The following DGKB variants were observed in gnomAD, a reference collection of about 807,000 sequenced individuals.
The protein encoded by DGKB is diacylglycerol kinase beta.
In DGKB, 67 loss-of-function variants were observed where a neutral mutation model predicts 114.3. That is an observed-to-expected ratio of 0.59 (90% CI 0.48 to 0.72). The LOEUF (loss-of-function observed/expected upper bound fraction) is 0.72, where lower values mean the gene tolerates loss of function less well. DGKB is among the 30% of genes least tolerant of loss of function. The pLI, the probability that DGKB is intolerant of heterozygous loss-of-function variation, is 0.00. For missense variants in DGKB, 907 were observed against 975.2 expected (o/e 0.93, Z 0.93); for synonymous variants, 398 against 323.1 (o/e 1.23, Z -2.49).
chr7:14,868,116 C>G (rs1222560336), intron 1 of DGKB, among the ~76,000 whole-genome samples: 1 of 152,018 alleles, frequency 6.6e-6, no homozygotes, highest in Non-Finnish European at 1.5e-5. Flanking sequence ...GTAACTAGAC[C>G]TTCTTCTTCT....
intron 21 of DGKB, among the ~76,000 whole-genome samples, chr7:14,416,913 C>A (rs1315811499): frequency 6.6e-6 from 1 of 152,042 alleles, no homozygotes; most frequent in African/African-American, 2.4e-5. Flanking sequence ...GTAACCATTG[C>A]CTTCAATGAA....
chr7:14,892,777 T>C (rs1781455292), intron 1 of DGKB, among the ~76,000 whole-genome samples: 1 of 151,052 alleles, frequency 6.6e-6, no homozygotes, highest in African/African-American at 2.4e-5. Context: ...AAATACCTGT[T>C]CAAATTGTTA....
chr7:14,235,555 AT>A (rs1792628285), intron 23 of DGKB, among the ~76,000 whole-genome samples: 1 of 152,084 alleles, frequency 6.6e-6, no homozygotes, highest in African/African-American at 2.4e-5. Context: ...TGTTTTGAAA[AT>A]CAGTGGCTCA....
intron 20 of DGKB, among the ~76,000 whole-genome samples, chr7:14,535,458 CAAGTAACT>C (rs1298017664): frequency 6.6e-6 from 1 of 150,818 alleles, no homozygotes; most frequent in Non-Finnish European, 1.5e-5. Flanking sequence ...CTTTATACCT[CAAGTAACT>C]ACAAAAAGAA....
intron 21 of DGKB, among the ~76,000 whole-genome samples, chr7:14,445,256 T>G (rs1830576591): frequency 6.6e-6 from 1 of 151,720 alleles, no homozygotes; most frequent in Non-Finnish European, 1.5e-5. Context: ...AATGGAAGAG[T>G]GAAGTTTCTA....
At chr7:14,465,147 C>CCT in intron 21 of DGKB, among the ~76,000 whole-genome samples, 1 of 152,160 alleles carries the variant, frequency 6.6e-6, no homozygotes, top group East Asian at 1.9e-4. Flanking sequence ...TTTGCATTTA[C>CCT]CTCACTGATA....
chr7:14,516,231 A>G (rs1259598430), intron 20 of DGKB, among the ~76,000 whole-genome samples: 1 of 152,194 alleles, frequency 6.6e-6, no homozygotes, highest in East Asian at 1.9e-4. Flanking sequence ...TGTTGTTGGA[A>G]TTCTCAGCAA....
intron 17 of DGKB, among the ~76,000 whole-genome samples, chr7:14,586,943 A>G (rs1800873892): frequency 6.6e-6 from 1 of 152,108 alleles, no homozygotes; most frequent in African/African-American, 2.4e-5. Flanking sequence ...GTGCAGAAAG[A>G]TGAATGTTGT....
chr7:14,665,181 G>A (rs1817815663), intron 13 of DGKB, among the ~76,000 whole-genome samples: 1 of 151,904 alleles, frequency 6.6e-6, no homozygotes, highest in African/African-American at 2.4e-5. Context: ...TAACCCCTTT[G>A]TTAGAGAATT....
chr7:14,957,711 G>A (rs985067803), intron 1 of DGKB, among the ~76,000 whole-genome samples: 6 of 151,728 alleles, frequency 4.0e-5, no homozygotes, highest in Admixed American at 1.3e-4. Flanking sequence ...TACTTTTTCT[G>A]TAATTACTTT....
At chr7:14,260,413 A>T (rs925318824) in intron 23 of DGKB, among the ~76,000 whole-genome samples, 7 of 152,314 alleles carry the variant, frequency 4.6e-5, no homozygotes, top group Admixed American at 4.6e-4. Flanking sequence ...TCCAGTTACT[A>T]TCTTGTGTTA....
intron 23 of DGKB, among the ~76,000 whole-genome samples, chr7:14,247,666 C>T (rs1041981100): frequency 1.3e-5 from 2 of 151,998 alleles, no homozygotes; most frequent in Non-Finnish European, 2.9e-5. Context: ...AATGTCTATT[C>T]AGGTCTTTGC....
At chr7:14,422,676 G>T (rs941317533) in intron 21 of DGKB, among the ~76,000 whole-genome samples, 2 of 151,888 alleles carry the variant, frequency 1.3e-5, no homozygotes, top group East Asian at 1.9e-4. Context: ...TAGCTAAAAA[G>T]TTTCCCAATT....
chr7:14,743,438 T>C (rs1832838844), intron 4 of DGKB, among the ~76,000 whole-genome samples: 1 of 152,118 alleles, frequency 6.6e-6, no homozygotes, highest in African/African-American at 2.4e-5. Context: ...TATTTCAAAT[T>C]ATCAAGTGTT....
At chr7:14,654,333 G>A (rs1031816067) in intron 13 of DGKB, among the ~76,000 whole-genome samples, 50 of 151,824 alleles carry the variant, frequency 3.3e-4, no homozygotes, top group Non-Finnish European at 6.3e-4. Context: ...ATTTAACCAA[G>A]GAGGTAAATA....
At chr7:14,593,339 T>G (rs2128749083) in intron 17 of DGKB, among the ~76,000 whole-genome samples, 1 of 152,180 alleles carries the variant, frequency 6.6e-6, no homozygotes, top group South Asian at 2.1e-4. Flanking sequence ...TTAATATTCC[T>G]TCTAATATAA....
intron 1 of DGKB, among the ~76,000 whole-genome samples, chr7:14,851,819 A>C (rs1229455990): frequency 6.6e-6 from 1 of 152,198 alleles, no homozygotes; most frequent in Non-Finnish European, 1.5e-5. Context: ...TAAGTGTAAC[A>C]GGAAACAGCC....
intron 4 of DGKB, among the ~76,000 whole-genome samples, chr7:14,753,432 A>G (rs1257392208): frequency 6.6e-6 from 1 of 152,138 alleles, no homozygotes; most frequent in East Asian, 1.9e-4. Context: ...AGATTGAATA[A>G]TCTTCCCAGG....
rs1817328753 is a variant in DGKB at position 14,369,818 on chromosome 7, C to T, written c.1836-24427G>A. Among the ~76,000 whole-genome samples, 2 of 152,032 alleles carry T rather than the reference C, an allele frequency of 1.3e-5. 1 individual carries two copies. Among genetic ancestry groups the T allele is most frequent in the South Asian group, 4.1e-4 (2 of 4,822 alleles). ...TAAGTTCCTTGTAGATTCTGGATATCAGCCATTTGTCAGATGGATAGACTG... is the reference window on the plus strand; with the variant it reads ...TAAGTTCCTTGTAGATTCTGGATATTAGCCATTTGTCAGATGGATAGACTG... On this transcript the variant is annotated intron_variant, in intron 21 of 25. Transcript: ENST00000402815.
Sources: gnomAD v4.1 joint callset for allele counts (sites outside exome capture counted in the v4.1 genomes callset) on GRCh38, gnomAD v4.1.1 for gene constraint, MANE v1.5 for transcripts, NCBI Gene and HGNC (gene_info 2026-07-23, HGNC 2026-07-21) for gene names.